ZNF518A: variants seen among roughly 807,000 people sequenced by gnomAD.
ZNF518A encodes zinc finger protein 518A.
Under a neutral mutation model 102.7 loss-of-function variants are expected in ZNF518A, and 47 were observed. That is an observed-to-expected ratio of 0.46 (90% CI 0.36 to 0.58). The LOEUF is 0.58. Ranked by LOEUF, ZNF518A falls within the 20% of genes least tolerant of loss-of-function variation. The pLI, the probability that ZNF518A is intolerant of heterozygous loss-of-function variation, is 0.00. For missense variants in ZNF518A, 1,793 were observed against 1,699.8 expected (o/e 1.05, Z -0.96); for synonymous variants, 652 against 594.6 (o/e 1.10, Z -1.40).
chr10:96,172,384 G>A (rs1418723217), intron 1 of ZNF518A, among the ~76,000 whole-genome samples: 1 of 151,960 alleles, frequency 6.6e-6, no homozygotes, highest in Non-Finnish European at 1.5e-5. Context: ...AAATCCACGG[G>A]AAGAAGTGAA....
At position 96,159,284 on chromosome 10, in the gene ZNF518A, G is replaced by A; in HGVS notation, c.2962G>A (p.Glu988Lys). The change falls in exon 6 of 6, where the codon GAA (glutamate) becomes AAA (lysine). Residue 988 changes from glutamate to lysine, a missense_variant. Glu to Lys is a moderately conservative substitution (Grantham distance 56). Around this residue, in one of 3 missense-constraint regions of ZNF518A, gnomAD observed 1,741 missense variants for 1,622.6 expected, o/e 1.07. Coordinates refer to ENST00000316045, the MANE Select transcript of ZNF518A (RefSeq NM_001330736.2). Reference sequence around the variant, plus strand: ...TTTAACACTTAATAATGGGAAACTTGAAGGTGTTTCCGCTGTCAAAACCGA... The same window carrying A: ...TTTAACACTTAATAATGGGAAACTTAAAGGTGTTTCCGCTGTCAAAACCGA... The part of the protein sequence containing the change: ...MVLTLNNGKL[E>K]GVSAVKTEGA... 2 of 1,613,402 alleles carry A rather than the reference G, an allele frequency of 1.2e-6. No individual in the cohort carries two copies. Among genetic ancestry groups the A allele is most frequent in the African/African-American group, 1.3e-5 (1 of 75,010 alleles).
chr10:96,152,203 C>T (rs1332605970), intron 3 of ZNF518A, among the ~76,000 whole-genome samples: 3 of 151,954 alleles, frequency 2.0e-5, no homozygotes, highest in Non-Finnish European at 4.4e-5. Context: ...GTCCCTGTTA[C>T]TTGGGAGGCT....
At chr10:96,177,827 A>C (rs58315130) in intron 1 of ZNF518A, among the ~76,000 whole-genome samples, 4,682 of 152,230 alleles carry the variant, frequency 0.031, 240 homozygotes, top group East Asian at 0.17. Context: ...AAAAGGCAGA[A>C]ATTTGTCAGG....
At chr10:96,140,126 A>G (rs2081842890) in intron 3 of ZNF518A, among the ~76,000 whole-genome samples, 2 of 152,096 alleles carry the variant, frequency 1.3e-5, no homozygotes, top group South Asian at 2.1e-4. Context: ...GCAGAGTGCT[A>G]GGATTACAGG....
chr10:96,145,611 A>G (rs1425489831), intron 3 of ZNF518A, among the ~76,000 whole-genome samples: 2 of 152,252 alleles, frequency 1.3e-5, no homozygotes, highest in African/African-American at 4.8e-5. Flanking sequence ...CTGCAGTGGT[A>G]TGACTGGGTA....
chr10:96,175,086 C>T (rs1396952716), intron 1 of ZNF518A, among the ~76,000 whole-genome samples: 2 of 152,164 alleles, frequency 1.3e-5, no homozygotes, highest in Non-Finnish European at 2.9e-5. Flanking sequence ...GCTTCCATAA[C>T]TGTGGGAAAT....
In ZNF518A at chr10:96,160,508, C is replaced by T. The variant is rs781991518; in HGVS notation, c.4186C>T (p.Pro1396Ser). ...ALLKPVCYNP[P>S]KTTYDDFSKR... ...ACTGAAACCAGTTTGTTATAACCCT[C>T]CTAAAACAACTTATGATGATTTTTC... Residue 1396 changes from proline (P) to serine (S), a missense_variant, in exon 6 of 6, where the codon CCT (proline) becomes TCT (serine). By Grantham distance (74) the Pro-to-Ser change is moderately conservative (BLOSUM62 -1). This residue lies in a region of ZNF518A where 1,741 missense variants were observed against 1,622.6 expected (regional missense o/e 1.07). Coordinates refer to ENST00000316045, the MANE Select transcript of ZNF518A (RefSeq NM_001330736.2). 1.9e-6 allele frequency: 3 copies of T among 1,612,728 alleles called. No individual in the cohort carries two copies. Among genetic ancestry groups the T allele is most frequent in the Non-Finnish European group, 2.5e-6 (3 of 1,179,432 alleles).
At chr10:96,204,099 G>C in exon 3 of ZNF518A, 1 of 1,613,756 alleles carries the variant, frequency 6.2e-7, no homozygotes, top group Non-Finnish European at 8.5e-7. Flanking sequence ...CTGCAAGAAA[G>C]AATTTCAGAT....
At position 96,158,508 on chromosome 10, in the gene ZNF518A, A is replaced by G. The variant is rs374324754; in HGVS notation, c.2186A>G (p.Asp729Gly). ...GTTTTAGAAAAAGGACAAAACATTG[A>G]TGGACAAAACCTGTACAGTAATGAA... ...QYVLEKGQNI[D>G]GQNLYSNENQ... Residue 729 changes from aspartate (D) to glycine (G), a missense_variant, in exon 6 of 6, where the codon GAT (aspartate) becomes GGT (glycine). Around this residue, in one of 3 missense-constraint regions of ZNF518A, gnomAD observed 1,741 missense variants for 1,622.6 expected, o/e 1.07. Transcript: ENST00000316045. 1.2e-3 allele frequency: 1,897 copies of G among 1,612,596 alleles called. 23 individuals carry two copies. In the South Asian group the frequency reaches 0.017, roughly 14 times the overall value.
intron 1 of ZNF518A, among the ~76,000 whole-genome samples, chr10:96,172,934 A>G (rs1404884426): frequency 6.6e-6 from 1 of 152,168 alleles, no homozygotes; most frequent in African/African-American, 2.4e-5. Flanking sequence ...TGTGCGTTCT[A>G]CATCTGCAGA....
At chr10:96,170,502 G>A (rs1554890793) in intron 1 of ZNF518A, among the ~76,000 whole-genome samples, 1 of 152,172 alleles carries the variant, frequency 6.6e-6, no homozygotes, top group Non-Finnish European at 1.5e-5. Flanking sequence ...CTGAGGTGAG[G>A]AGTGGAGAAT....
At chr10:96,140,954 A>T (rs929562289) in intron 3 of ZNF518A, among the ~76,000 whole-genome samples, 5 of 152,024 alleles carry the variant, frequency 3.3e-5, no homozygotes, top group African/African-American at 9.7e-5. Flanking sequence ...AAAAAAAAAG[A>T]TGGGGGGTTG....
At chr10:96,181,033 C>T (rs1206006660) in intron 1 of ZNF518A, among the ~76,000 whole-genome samples, 1 of 152,200 alleles carries the variant, frequency 6.6e-6, no homozygotes, top group Admixed American at 6.5e-5. Flanking sequence ...TAATGATTGC[C>T]ATTCTAACTG....
At position 96,155,392 on chromosome 10, in the gene ZNF518A, A is replaced by G. The variant is rs1398972307; in HGVS notation, c.-251+16A>G. The G allele has an allele frequency of 6.6e-6, 1 of 152,176 alleles. No individual in the cohort carries two copies. The highest frequency in any genetic ancestry group is 1.5e-5 in the Non-Finnish European group (1 of 68,024). 9.4% of individuals were successfully genotyped at this position (152,176 alleles called of 1,614,324 possible). On this transcript the variant is annotated intron_variant, in intron 4 of 5. Transcript: ENST00000316045. ...AACATGACCAGTAAGTGCTTGAATT[A>G]ATGCAGGTAGGTAGTGATGGGTATG...
chr10:96,167,019 T>C (rs1030863593), downstream of ZNF518A, among the ~76,000 whole-genome samples: 3 of 152,180 alleles, frequency 2.0e-5, no homozygotes, highest in African/African-American at 7.2e-5. Context: ...CAGAGATCTG[T>C]GTTACCTAAA....
intron 1 of ZNF518A, among the ~76,000 whole-genome samples, chr10:96,185,113 T>A (rs1457323109): frequency 6.6e-6 from 1 of 152,250 alleles, no homozygotes; most frequent in African/African-American, 2.4e-5. Context: ...AGGCTGTTCA[T>A]GCATCACGTA....
At chr10:96,180,180 CTTTTTTT>C (rs60561670) in intron 1 of ZNF518A, among the ~76,000 whole-genome samples, 1,958 of 96,282 alleles carry the variant, frequency 0.02, 16 homozygotes, top group Middle Eastern at 0.032. Context: ...GCTCCAGCCT[CTTTTTTT>C]TTTTTTTTTT....
At chr10:96,169,032 T>C (rs587767090) in intron 1 of ZNF518A, among the ~76,000 whole-genome samples, 2 of 152,346 alleles carry the variant, frequency 1.3e-5, no homozygotes, top group South Asian at 2.1e-4. Flanking sequence ...TACTAACTTA[T>C]CTATTTATTT....
chr10:96,150,003 T>C (rs1276742976), intron 3 of ZNF518A, among the ~76,000 whole-genome samples: 1 of 151,952 alleles, frequency 6.6e-6, no homozygotes, highest in Non-Finnish European at 1.5e-5. Context: ...TTCTCGTGTT[T>C]AGAGTTGTGA....
Sources: allele counts gnomAD v4.1 joint callset (sites outside exome capture counted in the v4.1 genomes callset), GRCh38; gene constraint gnomAD v4.1.1; regional missense constraint gnomAD v4.1.1; transcripts MANE v1.5; gene names NCBI Gene and HGNC (gene_info 2026-07-23, HGNC 2026-07-21).